PATJ: variants seen among roughly 807,000 people sequenced by gnomAD.
PATJ encodes the protein PATJ crumbs cell polarity complex component, also known as inaD-like protein.
In PATJ, 190 loss-of-function variants were observed where a neutral mutation model predicts 224.9. The ratio of observed to expected loss-of-function variants is 0.84; its 90% CI spans 0.75 to 0.95. PATJ has a LOEUF of 0.95. Ranked by LOEUF, PATJ falls within the 40% of genes least tolerant of loss-of-function variation. The probability of loss-of-function intolerance (pLI) is 0.00; values close to 1 mark genes in which losing one functional copy is unlikely to be tolerated. For synonymous variants in PATJ, 769 were observed against 820.3 expected (o/e 0.94, Z 1.07); for missense variants, 2,121 against 2,270.3 (o/e 0.93, Z 1.34).
intron 41 of PATJ, among the ~76,000 whole-genome samples, chr1:62,134,298 T>C (rs1244938420): frequency 1.3e-5 from 2 of 150,658 alleles, no homozygotes; most frequent in Non-Finnish European, 3.0e-5. Context: ...AGTGCTGGGA[T>C]TACAGGTGTG....
At chr1:62,083,135 T>G (rs1356852437) in intron 32 of PATJ, among the ~76,000 whole-genome samples, 2 of 152,218 alleles carry the variant, frequency 1.3e-5, no homozygotes, top group African/African-American at 4.8e-5. Flanking sequence ...TTGTTGTTGT[T>G]GCCATTTTGA....
At chr1:61,887,301 A>C (rs1384632816) in intron 22 of PATJ, among the ~76,000 whole-genome samples, 1 of 152,122 alleles carries the variant, frequency 6.6e-6, no homozygotes, top group Non-Finnish European at 1.5e-5. Context: ...AAGGAAAGGA[A>C]GGTCTGGATG....
intron 1 of PATJ, among the ~76,000 whole-genome samples, chr1:61,755,038 G>C (rs541310444): frequency 6.6e-6 from 1 of 152,004 alleles, no homozygotes; most frequent in Non-Finnish European, 1.5e-5. Flanking sequence ...AGTGGCTCAC[G>C]CCTGTAATCC....
intron 20 of PATJ, among the ~76,000 whole-genome samples, chr1:61,871,555 A>ATG (rs1666598509): frequency 3.4e-5 from 2 of 58,116 alleles, no homozygotes; most frequent in Admixed American, 5.4e-4. Flanking sequence ...ATATATATAT[A>ATG]TATTTTTTTT....
chr1:61,966,853 C>A (rs997740086), intron 27 of PATJ, among the ~76,000 whole-genome samples: 1 of 152,120 alleles, frequency 6.6e-6, no homozygotes, highest in Admixed American at 6.5e-5. Flanking sequence ...CCTGATGTTA[C>A]CGTGGCATTT....
At chr1:62,109,197 A>C (rs1663501379) in intron 34 of PATJ, among the ~76,000 whole-genome samples, 1 of 149,622 alleles carries the variant, frequency 6.7e-6, no homozygotes, top group Non-Finnish European at 1.5e-5. Context: ...ATGGTGTGAA[A>C]CCTTTAGGCC....
intron 26 of PATJ, among the ~76,000 whole-genome samples, chr1:61,920,713 T>TC (rs1404394439): frequency 1.4e-5 from 2 of 143,192 alleles, no homozygotes; most frequent in East Asian, 4.0e-4. Context: ...TTTTTTTTTT[T>TC]TTTTTTTTTT....
chr1:61,927,443 C>T (rs543425031), intron 26 of PATJ, among the ~76,000 whole-genome samples: 13 of 152,140 alleles, frequency 8.5e-5, no homozygotes, highest in Admixed American at 2.6e-4. Context: ...AAATAACTGA[C>T]TGTCTCACTA....
At chr1:61,848,886 C>G (rs1662380060) in intron 17 of PATJ, among the ~76,000 whole-genome samples, 1 of 152,196 alleles carries the variant, frequency 6.6e-6, no homozygotes, top group African/African-American at 2.4e-5. Flanking sequence ...CAATATCTGG[C>G]TACCTGCTGT....
intron 29 of PATJ, among the ~76,000 whole-genome samples, chr1:62,019,831 G>T (rs1479634107): frequency 6.6e-6 from 1 of 152,080 alleles, no homozygotes; most frequent in African/African-American, 2.4e-5. Flanking sequence ...TTCATTAAGA[G>T]AAGTCCACAA....
At chr1:61,759,201 T>C (rs1266468173) in intron 1 of PATJ, among the ~76,000 whole-genome samples, 1 of 152,122 alleles carries the variant, frequency 6.6e-6, no homozygotes, top group Non-Finnish European at 1.5e-5. Flanking sequence ...ATGAGATTTT[T>C]TTGCAATTTT....
At chr1:62,046,767 G>A (rs889626746) in intron 30 of PATJ, among the ~76,000 whole-genome samples, 1 of 152,202 alleles carries the variant, frequency 6.6e-6, no homozygotes, top group Non-Finnish European at 1.5e-5. Flanking sequence ...AGATACAATG[G>A]AACAAGTGAC....
intron 42 of PATJ, among the ~76,000 whole-genome samples, chr1:62,152,835 G>A (rs945685525): frequency 2.6e-5 from 4 of 151,924 alleles, no homozygotes; most frequent in African/African-American, 9.7e-5. Flanking sequence ...GCTGTCAGCA[G>A]TAAGTTTAAA....
chr1:62,043,872 C>T (rs1299865552), intron 30 of PATJ, among the ~76,000 whole-genome samples: 1 of 152,068 alleles, frequency 6.6e-6, no homozygotes, highest in Non-Finnish European at 1.5e-5. Flanking sequence ...GGACTATAGG[C>T]ACGCACCACC....
At chr1:61,962,593 C>T (rs1429966887) in intron 27 of PATJ, among the ~76,000 whole-genome samples, 3 of 152,122 alleles carry the variant, frequency 2.0e-5, no homozygotes, top group Non-Finnish European at 4.4e-5. Context: ...GAGGATTAAT[C>T]GGTGATCATT....
chr1:61,902,072 T>TC (rs992727024), intron 24 of PATJ, among the ~76,000 whole-genome samples: 4 of 151,858 alleles, frequency 2.6e-5, no homozygotes, highest in Admixed American at 2.0e-4. Flanking sequence ...AATGCAAAAA[T>TC]CAGCCGGGCG....
chr1:61,795,305 T>G (rs1471579147), intron 9 of PATJ, among the ~76,000 whole-genome samples, 162 bp from the exon 10 acceptor site: 1 of 152,130 alleles, frequency 6.6e-6, no homozygotes, highest in Non-Finnish European at 1.5e-5. Context: ...CTTGAGATGG[T>G]GGCAGTTTGA....
intron 38 of PATJ, among the ~76,000 whole-genome samples, chr1:62,122,088 G>T (rs1022160749): frequency 4.6e-5 from 7 of 152,044 alleles, no homozygotes; most frequent in African/African-American, 1.7e-4. Flanking sequence ...GACTCAGCCG[G>T]GCCCGGTGGC....
chr1:61,866,239 T>G (rs1468129407), intron 20 of PATJ, among the ~76,000 whole-genome samples: 10 of 152,212 alleles, frequency 6.6e-5, no homozygotes, highest in Non-Finnish European at 1.5e-4. Flanking sequence ...TTTCTTCTAT[T>G]AAAAGATAAT....
Sources: gnomAD v4.1 joint callset for allele counts (sites outside exome capture counted in the v4.1 genomes callset) on GRCh38, gnomAD v4.1.1 for gene constraint, MANE v1.5 for transcripts, NCBI Gene and HGNC (gene_info 2026-07-23, HGNC 2026-07-21) for gene names.